EVA1C: variants seen among roughly 807,000 people sequenced by gnomAD.
EVA1C encodes the protein eva-1 homolog C.
Under a neutral mutation model 45.4 loss-of-function variants are expected in EVA1C, and 25 were observed. The ratio of observed to expected loss-of-function variants is 0.55; its 90% CI spans 0.40 to 0.77. The LOEUF is 0.77. EVA1C is among the 30% of genes least tolerant of loss of function. EVA1C has a pLI of 0.00. For synonymous variants in EVA1C, 190 were observed against 221.2 expected, an observed-to-expected ratio of 0.86 and a Z score of 1.25; for missense variants, 479 against 554.8, an observed-to-expected ratio of 0.86 and a Z score of 1.37.
chr21:32,444,631 C>A (rs1374669167), intron 1 of EVA1C, among the ~76,000 whole-genome samples: 7 of 152,132 alleles, frequency 4.6e-5, no homozygotes, highest in Non-Finnish European at 1.0e-4. Flanking sequence ...ATAGAAGCAT[C>A]ATTACATAGG....
chr21:32,505,660 G>A (rs1373149335), intron 7 of EVA1C, among the ~76,000 whole-genome samples: 1 of 152,174 alleles, frequency 6.6e-6, no homozygotes, highest in African/African-American at 2.4e-5. Context: ...AGAATTTCAT[G>A]ATCAAAGTAT....
chr21:32,477,028 C>A (rs759771464), intron 4 of EVA1C, among the ~76,000 whole-genome samples: 1 of 152,124 alleles, frequency 6.6e-6, no homozygotes, highest in African/African-American at 2.4e-5. Flanking sequence ...ACCGCCCCAT[C>A]ATCAAGCACA....
chr21:32,509,447 C>T (rs1283812941), intron 7 of EVA1C, among the ~76,000 whole-genome samples: 1 of 152,180 alleles, frequency 6.6e-6, no homozygotes, highest in African/African-American at 2.4e-5. Flanking sequence ...CAGACACCCA[C>T]CTCCCAGGAG....
chr21:32,509,081 A>T (rs2037864553), intron 7 of EVA1C, among the ~76,000 whole-genome samples: 1 of 152,240 alleles, frequency 6.6e-6, no homozygotes, highest in South Asian at 2.1e-4. Context: ...ACATTCCCTT[A>T]GTGTAAAGCC....
chr21:32,447,465 C>A (rs1000757747), intron 1 of EVA1C, among the ~76,000 whole-genome samples: 1 of 152,064 alleles, frequency 6.6e-6, no homozygotes, highest in Non-Finnish European at 1.5e-5. Context: ...AAGCCTCTTT[C>A]ACTTTAACTC....
chr21:32,427,970 C>T (rs1387773997), intron 1 of EVA1C, among the ~76,000 whole-genome samples: 1 of 151,850 alleles, frequency 6.6e-6, no homozygotes, highest in Non-Finnish European at 1.5e-5. Flanking sequence ...TTTCTCATTA[C>T]ATGTATACTT....
intron 1 of EVA1C, among the ~76,000 whole-genome samples, chr21:32,435,194 C>CT (rs1170888896): frequency 7.5e-6 from 1 of 132,732 alleles, no homozygotes; most frequent in Admixed American, 7.8e-5. Flanking sequence ...TGTCCCATCT[C>CT]TTTTTTTGTA....
intron 1 of EVA1C, among the ~76,000 whole-genome samples, chr21:32,416,340 T>C (rs1185480991): frequency 2.7e-5 from 4 of 148,032 alleles, no homozygotes; most frequent in Non-Finnish European, 3.0e-5. Context: ...TTTTTTTTTT[T>C]CTTTTTGAGA....
At chr21:32,511,159 T>C (rs1374721337) in intron 7 of EVA1C, among the ~76,000 whole-genome samples, 6 of 152,148 alleles carry the variant, frequency 3.9e-5, no homozygotes, top group African/African-American at 1.2e-4. Flanking sequence ...CTCACGCCTG[T>C]AATCCCAGCA....
intron 1 of EVA1C, among the ~76,000 whole-genome samples, chr21:32,451,136 G>A (rs765881956): frequency 6.6e-6 from 1 of 152,146 alleles, no homozygotes; most frequent in East Asian, 1.9e-4. Flanking sequence ...CCAGGGAGCT[G>A]GATTGGGCGC....
intron 4 of EVA1C, 68 bp from the exon 5 acceptor site, chr21:32,494,959 T>G: frequency 1.4e-6 from 2 of 1,452,704 alleles, no homozygotes. Flanking sequence ...TTACAGAGAA[T>G]GCTGTAGGCT....
chr21:32,504,334 G>T (rs1281494912), intron 7 of EVA1C, among the ~76,000 whole-genome samples: 2 of 152,208 alleles, frequency 1.3e-5, no homozygotes. Flanking sequence ...AAGGAACTAG[G>T]ATTATTGAAT....
intron 1 of EVA1C, chr21:32,433,102 G>A (rs1388317696): frequency 6.9e-6 from 1 of 144,140 alleles, no homozygotes; most frequent in Non-Finnish European, 1.5e-5. Context: ...GTGATGCCTG[G>A]CTTGACACTT....
At chr21:32,428,642 A>G (rs984486537) in intron 1 of EVA1C, 1 of 152,214 alleles carries the variant, frequency 6.6e-6, no homozygotes, top group Non-Finnish European at 1.5e-5. Flanking sequence ...TCTACTCTCC[A>G]CTATTTGTCT....
chr21:32,445,860 A>C (rs1387308732), intron 1 of EVA1C, among the ~76,000 whole-genome samples: 1 of 152,196 alleles, frequency 6.6e-6, no homozygotes, highest in East Asian at 1.9e-4. Context: ...TTCTGCTGAT[A>C]CACAGTGGGA....
intron 1 of EVA1C, among the ~76,000 whole-genome samples, chr21:32,429,764 T>TGTGACTAATTAC (rs2034628793): frequency 6.6e-6 from 1 of 152,230 alleles, no homozygotes; most frequent in Non-Finnish European, 1.5e-5. Flanking sequence ...ACATGTGTAA[T>TGTGACTAATTAC]ATTAAATAAT....
chr21:32,461,468 G>C (rs1040312712), intron 3 of EVA1C, among the ~76,000 whole-genome samples: 8 of 152,190 alleles, frequency 5.3e-5, no homozygotes, highest in African/African-American at 1.9e-4. Context: ...ACACCTTCCT[G>C]CCTCTTTTTC....
intron 3 of EVA1C, among the ~76,000 whole-genome samples, chr21:32,464,785 C>T (rs1483183459): frequency 3.9e-5 from 6 of 152,082 alleles, no homozygotes; most frequent in East Asian, 1.9e-4. Flanking sequence ...TTGCACCCCC[C>T]GCACTCCAGT....
chr21:32,513,553 T>TTTC lies in EVA1C; in HGVS notation c.950-1259_950-1258insCTT, dbSNP rs1265360961. On this transcript the variant is annotated intron_variant, in intron 7 of 7. Transcript: ENST00000300255. ...ATTTATTTTAATATTTTTCTTTTCT[T>TTTC]TTTTTTTTTTTTTTTTTGAGGCAGG... Among the ~76,000 whole-genome samples, 887 of 123,352 alleles carry TTTC rather than the reference T, an allele frequency of 7.2e-3. 5 individuals carry two copies. The highest frequency in any genetic ancestry group is 0.021 in the African/African-American group (679 of 32,036). The allele number at this position is 123,352 out of a possible 152,430, so 80.9% of individuals were successfully genotyped here. A position where few individuals can be genotyped will look rare whatever the true frequency, so the allele number is the denominator to read the frequency against.
Sources: allele counts gnomAD v4.1 joint callset (sites outside exome capture counted in the v4.1 genomes callset), GRCh38; gene constraint gnomAD v4.1.1; transcripts MANE v1.5; gene names NCBI Gene and HGNC (gene_info 2026-07-23, HGNC 2026-07-21).